PRR15L: variants seen among roughly 807,000 people sequenced by gnomAD.
PRR15L encodes proline-rich protein 15-like protein.
In PRR15L, 1 loss-of-function variant was observed where a neutral mutation model predicts 3.7. The ratio of observed to expected loss-of-function variants is 0.27; its 90% CI spans 0.09 to 1.27. The LOEUF (loss-of-function observed/expected upper bound fraction) is 1.27, where lower values mean the gene tolerates loss of function less well. PRR15L is among the 50% of genes most tolerant of loss of function. The pLI is 0.47. For synonymous variants in PRR15L, 57 were observed against 51.9 expected, an observed-to-expected ratio of 1.10 and a Z score of -0.42; for missense variants, 127 against 128.7, an observed-to-expected ratio of 0.99 and a Z score of 0.06.
At chr17:47,953,381 G>T (rs1346164657) in intron 1 of PRR15L, 118 bp from the exon 2 acceptor site, 7 of 656,684 alleles carry the variant, frequency 1.1e-5, no homozygotes, top group Non-Finnish European at 1.8e-5. Flanking sequence ...ATAAAGGGCT[G>T]GGCGTGGTTC....
chr17:47,953,295 T>A, intron 1 of PRR15L, 32 bp from the exon 2 acceptor site: 12 of 1,322,986 alleles, frequency 9.1e-6, no homozygotes, highest in East Asian at 2.3e-5. Flanking sequence ...GACAAAGGGG[T>A]CAGTGGGAAA....
chr17:47,956,430 C>T (rs2036129462), intron 1 of PRR15L, among the ~76,000 whole-genome samples: 1 of 152,214 alleles, frequency 6.6e-6, no homozygotes, highest in Non-Finnish European at 1.5e-5. Flanking sequence ...TGAGATCATG[C>T]CACTGCATTC....
chr17:47,953,656 C>CAA (rs35835097), intron 1 of PRR15L, among the ~76,000 whole-genome samples: 2,626 of 130,026 alleles, frequency 0.02, 35 homozygotes, highest in Middle Eastern at 0.031. Flanking sequence ...GAGACTATCT[C>CAA]AAAAAAAAAA....
chr17:47,953,769 G>T (rs940656199), intron 1 of PRR15L, among the ~76,000 whole-genome samples: 3 of 152,186 alleles, frequency 2.0e-5, no homozygotes, highest in Non-Finnish European at 2.9e-5. Context: ...CTTTTGGAGA[G>T]TGTGAGACAA....
chr17:47,953,896 C>T (rs1361292522), intron 1 of PRR15L, among the ~76,000 whole-genome samples: 3 of 152,144 alleles, frequency 2.0e-5, no homozygotes, highest in Non-Finnish European at 4.4e-5. Flanking sequence ...TAATTCCTGC[C>T]AGGCCCCTCA....
At chr17:47,956,435 G>A (rs2036129526) in intron 1 of PRR15L, among the ~76,000 whole-genome samples, 1 of 152,190 alleles carries the variant, frequency 6.6e-6, no homozygotes, top group Non-Finnish European at 1.5e-5. Context: ...TCATGCCACT[G>A]CATTCCAGCC....
intron 1 of PRR15L, among the ~76,000 whole-genome samples, chr17:47,955,332 G>A (rs1490859524): frequency 6.6e-6 from 1 of 152,126 alleles, no homozygotes; most frequent in East Asian, 1.9e-4. Flanking sequence ...AGGGGTGGGG[G>A]AGCATATCAA....
chr17:47,954,236 G>T (rs2036103419), intron 1 of PRR15L, among the ~76,000 whole-genome samples: 2 of 152,150 alleles, frequency 1.3e-5, no homozygotes, highest in Admixed American at 1.3e-4. Flanking sequence ...CCACTGGCAA[G>T]CCACCACCTC....
At chr17:47,954,923 CT>C (rs954992977) in intron 1 of PRR15L, among the ~76,000 whole-genome samples, 126 of 144,718 alleles carry the variant, frequency 8.7e-4, no homozygotes, top group African/African-American at 2.7e-3. Flanking sequence ...AATGATGTGC[CT>C]TTTTTTTTTC....
chr17:47,954,435 C>T (rs1410411721), intron 1 of PRR15L, among the ~76,000 whole-genome samples: 1 of 152,208 alleles, frequency 6.6e-6, no homozygotes, highest in Non-Finnish European at 1.5e-5. Flanking sequence ...GCTAAAAAGG[C>T]AGAAAGCAGT....
rs1476413255 is a variant in PRR15L, at chr17:47,952,690, A to G, written c.*233T>C. On this transcript the variant is annotated 3_prime_UTR_variant, in exon 2 of 2. Coordinates refer to ENST00000300557, the MANE Select transcript of PRR15L (RefSeq NM_024320.4). The stretch of plus-strand genomic sequence containing the variant: ...CCTGGGTGAGACTTTTCACTCTTGA[A>G]CTAGAGTGCCTTTGTATGTGGTCAG... 7 of 455,488 alleles carry G rather than the reference A, an allele frequency of 1.5e-5. No homozygotes were observed. The East Asian group carries it at 1.7e-4, about 11-fold the overall frequency. 28.2% of individuals were successfully genotyped at this position (455,488 alleles called of 1,614,324 possible). A position where few individuals can be genotyped will look rare whatever the true frequency, so the allele number is the denominator to read the frequency against.
chr17:47,952,724 T>A lies in PRR15L; in HGVS notation c.*199A>T, dbSNP rs933495475. On this transcript the variant is annotated 3_prime_UTR_variant, in exon 2 of 2. Coordinates refer to ENST00000300557, the MANE Select transcript of PRR15L (RefSeq NM_024320.4). Reference sequence around the variant, plus strand: ...CCTTTGTATGTGGTCAGGGGGAGGGTGGAGGACCCTGGGATCTCCCAGGCC... The same window carrying A: ...CCTTTGTATGTGGTCAGGGGGAGGGAGGAGGACCCTGGGATCTCCCAGGCC... 4 of 536,744 alleles carry A rather than the reference T, an allele frequency of 7.5e-6. No individual in the cohort carries two copies. In the Admixed American group the frequency reaches 9.5e-5, roughly 13 times the overall value. 33.2% of individuals were successfully genotyped at this position (536,744 alleles called of 1,614,324 possible). A position where few individuals can be genotyped will look rare whatever the true frequency, so the allele number is the denominator to read the frequency against.
At chr17:47,956,739 T>C (rs4793734) in intron 1 of PRR15L, among the ~76,000 whole-genome samples, 23,369 of 152,286 alleles carry the variant, frequency 0.15, 2,073 homozygotes, top group South Asian at 0.25. Flanking sequence ...AAAAAGGTGA[T>C]GTGATATCCA....
Position 47,953,278 on chromosome 17 carries a change from T to TC in PRR15L, c.-29-16_-29-15insG, listed in dbSNP as rs1555564223. ...GATGGGGCTTTCTGCTGGAGCAGGGTGGGGGAGACAAAGGGGTCAGTGGGA... is the reference window on the plus strand; with the variant it reads ...GATGGGGCTTTCTGCTGGAGCAGGGTCGGGGGAGACAAAGGGGTCAGTGGGA... On this transcript the variant is annotated splice_polypyrimidine_tract_variant and intron_variant, in intron 1 of 1. Coordinates refer to ENST00000300557, the MANE Select transcript of PRR15L (RefSeq NM_024320.4). 1.7e-5 allele frequency: 25 copies of TC among 1,453,886 alleles called. No individual in the cohort carries two copies. The highest frequency in any genetic ancestry group is 1.3e-4 in the Admixed American group (6 of 45,426). The allele number at this position is 1,453,886 out of a possible 1,614,324, so 90.1% of individuals were successfully genotyped here.
chr17:47,953,201 A>G lies in PRR15L; in HGVS notation c.34T>C (p.Phe12Leu). 6.3e-7 allele frequency: 1 copy of G among 1,595,174 alleles called. No homozygotes were observed. The highest frequency in any genetic ancestry group is 2.2e-5 in the East Asian group (1 of 44,532). ...GGAGTGGATTTCTTTTTCCGGAGGA[A>G]AGTCAGCTTCCACCAACCAATTTCA... ...TTEIGWWKLT[F>L]LRKKKSTPKV... The change falls in exon 2 of 2, where the codon TTC becomes CTC. Residue 12 changes from phenylalanine to leucine, a missense_variant. Phe to Leu is a conservative substitution (Grantham distance 22). Transcript: ENST00000300557.
chr17:47,955,194 G>C (rs896919620), intron 1 of PRR15L, among the ~76,000 whole-genome samples: 1 of 152,122 alleles, frequency 6.6e-6, no homozygotes, highest in Non-Finnish European at 1.5e-5. Context: ...CTCCCAAAGT[G>C]CTGGGATTAC....
Position 47,953,034 on chromosome 17 carries a change from G to T in PRR15L, c.201C>A (p.His67Gln). 2 of 1,614,162 alleles carry T rather than the reference G, an allele frequency of 1.2e-6. No homozygotes were observed. The highest frequency in any genetic ancestry group is 1.1e-5 in the South Asian group (1 of 91,076). Reference protein sequence around the residue: ...KIVDKSTKGKHVKVSNSGRFK... With the variant: ...KIVDKSTKGKQVKVSNSGRFK... ...AGCGTCCTGAGTTGGAGACCTTGAC[G>T]TGCTTGCCCTTTGTGCTCTTGTCCA... Residue 67 changes from histidine (H) to glutamine (Q), a missense_variant, in exon 2 of 2, where the codon CAC becomes CAA. Coordinates refer to ENST00000300557, the MANE Select transcript of PRR15L (RefSeq NM_024320.4).
intron 1 of PRR15L, among the ~76,000 whole-genome samples, chr17:47,955,075 A>G (rs971360913): frequency 1.4e-4 from 21 of 151,992 alleles, no homozygotes; most frequent in African/African-American, 5.1e-4. Flanking sequence ...GATTACAGGC[A>G]TGCGCCACCA....
At position 47,952,909 on chromosome 17, in the gene PRR15L, C is replaced by A. The variant is rs369594537; in HGVS notation, c.*14G>T. 6.2e-7 allele frequency: 1 copy of A among 1,604,168 alleles called. No homozygotes were observed. The highest frequency in any genetic ancestry group is 1.3e-5 in the African/African-American group (1 of 74,816). On this transcript the variant is annotated 3_prime_UTR_variant, in exon 2 of 2. Coordinates refer to ENST00000300557, the MANE Select transcript of PRR15L (RefSeq NM_024320.4). ...GGCAGGGAGCCAAGAGGTGCTAGCA[C>A]CCTCCTCAGCCCTTCACTTTGATGA...
Sources: gnomAD v4.1 joint callset for allele counts (sites outside exome capture counted in the v4.1 genomes callset) on GRCh38, gnomAD v4.1.1 for gene constraint, MANE v1.5 for transcripts, NCBI Gene and HGNC (gene_info 2026-07-23, HGNC 2026-07-21) for gene names.